PDE4D: variants seen among roughly 807,000 people sequenced by gnomAD.
The protein encoded by PDE4D is phosphodiesterase 4D, also known as 3',5'-cyclic-AMP phosphodiesterase 4D.
A neutral mutation model predicts 87.4 loss-of-function variants in PDE4D; 24 were observed. The ratio of observed to expected loss-of-function variants is 0.27; its 90% CI spans 0.20 to 0.39. The LOEUF is 0.39. PDE4D is among the 10% of genes least tolerant of loss of function. The probability of loss-of-function intolerance (pLI) is 1.00; values close to 1 mark genes in which losing one functional copy is unlikely to be tolerated. For synonymous variants in PDE4D, 384 were observed against 383.2 expected (o/e 1.00, Z -0.02); for missense variants, 714 against 1,041.0 (o/e 0.69, Z 4.32).
rs191242871 is a variant in PDE4D at position 59,495,644 on chromosome 5, C to T, written c.456-279676G>A. 2.2e-3 allele frequency among the ~76,000 whole-genome samples: 335 copies of T among 152,244 alleles called. 1 individual carries two copies. The highest frequency in any genetic ancestry group is 7.8e-3 in the African/African-American group (325 of 41,550). On this transcript the variant is annotated intron_variant, in intron 1 of 14. Transcript: ENST00000340635. ...AGAAGACTGCAGGGGCAGGAGAGTT[C>T]CCGAAGCCAGGTTTCTTCTGGGTGG... is the stretch of plus-strand genomic sequence containing the variant.
intron 1 of PDE4D, among the ~76,000 whole-genome samples, chr5:60,451,177 C>T (rs762392936): frequency 1.3e-5 from 2 of 152,020 alleles, no homozygotes; most frequent in South Asian, 2.1e-4. Flanking sequence ...ATCCTAGATG[C>T]TCAAATGCGA....
chr5:60,121,670 G>A (rs1778696436), intron 2 of PDE4D, among the ~76,000 whole-genome samples: 1 of 152,116 alleles, frequency 6.6e-6, no homozygotes, highest in African/African-American at 2.4e-5. Context: ...AATTATGGGA[G>A]TACAATTCAA....
At chr5:59,970,663 T>A (rs1391282296) in intron 3 of PDE4D, among the ~76,000 whole-genome samples, 9 of 150,526 alleles carry the variant, frequency 6.0e-5, no homozygotes, top group African/African-American at 2.2e-4. Context: ...TGAGATACCA[T>A]CTCACACCAG....
intron 1 of PDE4D, among the ~76,000 whole-genome samples, chr5:59,565,848 G>A (rs1164785278): frequency 6.6e-6 from 1 of 152,160 alleles, no homozygotes; most frequent in African/African-American, 2.4e-5. Flanking sequence ...TATGAGAATT[G>A]AGAAATGGAG....
At chr5:59,764,169 A>T (rs1339469513) in intron 1 of PDE4D, among the ~76,000 whole-genome samples, 1 of 152,164 alleles carries the variant, frequency 6.6e-6, no homozygotes, top group African/African-American at 2.4e-5. Flanking sequence ...ACTCTAATTC[A>T]TCCACAAATG....
chr5:60,226,677 T>C (rs1252152864), intron 1 of PDE4D, among the ~76,000 whole-genome samples: 2 of 151,890 alleles, frequency 1.3e-5, no homozygotes, highest in Non-Finnish European at 2.9e-5. Flanking sequence ...GAAACAAGAG[T>C]TAAGGCTACC....
chr5:59,483,986 G>A (rs1369399343), intron 1 of PDE4D, among the ~76,000 whole-genome samples: 1 of 152,180 alleles, frequency 6.6e-6, no homozygotes, highest in Non-Finnish European at 1.5e-5. Context: ...TGTTTGAAGA[G>A]ACAGTGTAAC....
intron 2 of PDE4D, among the ~76,000 whole-genome samples, chr5:60,070,004 CAACTG>C (rs1427349423): frequency 6.6e-6 from 1 of 152,078 alleles, no homozygotes; most frequent in Non-Finnish European, 1.5e-5. Flanking sequence ...TATAGAAATG[CAACTG>C]ATTCTGGTAT....
At chr5:59,294,144 G>T (rs1768585585) in intron 1 of PDE4D, among the ~76,000 whole-genome samples, 1 of 152,158 alleles carries the variant, frequency 6.6e-6, no homozygotes, top group Non-Finnish European at 1.5e-5. Flanking sequence ...ATGTTGACCA[G>T]TGATCATAGT....
At chr5:60,339,726 T>A (rs1354501068) in intron 1 of PDE4D, among the ~76,000 whole-genome samples, 4 of 152,156 alleles carry the variant, frequency 2.6e-5, no homozygotes, top group South Asian at 2.1e-4. Flanking sequence ...TCTCTGTGTG[T>A]CTTCTGGCTC....
chr5:60,481,672 T>C (rs970641136), intron 1 of PDE4D, among the ~76,000 whole-genome samples: 3 of 152,164 alleles, frequency 2.0e-5, no homozygotes, highest in South Asian at 4.1e-4. Context: ...CACCTTTTTA[T>C]AAAACTACAA....
intron 2 of PDE4D, among the ~76,000 whole-genome samples, chr5:60,036,826 G>C (rs1767863638): frequency 6.6e-6 from 1 of 151,922 alleles, no homozygotes; most frequent in Non-Finnish European, 1.5e-5. Context: ...GACACTTCAG[G>C]GTCCATTGGT....
At chr5:59,596,042 G>A (rs986591685) in intron 1 of PDE4D, among the ~76,000 whole-genome samples, 2 of 151,056 alleles carry the variant, frequency 1.3e-5, no homozygotes, top group African/African-American at 2.4e-5. Flanking sequence ...AGTGTTTTCA[G>A]TCACTTTAAT....
chr5:60,079,480 G>A (rs1004520404), intron 2 of PDE4D, among the ~76,000 whole-genome samples: 2 of 152,102 alleles, frequency 1.3e-5, no homozygotes, highest in African/African-American at 4.8e-5. Flanking sequence ...TATTGCCTAG[G>A]TTTTCTTCTA....
At chr5:60,485,616 C>G (rs529529131) in intron 1 of PDE4D, among the ~76,000 whole-genome samples, 1 of 152,228 alleles carries the variant, frequency 6.6e-6, no homozygotes, top group Admixed American at 6.5e-5. Flanking sequence ...TTTACAGAAC[C>G]TTATCTGCAA....
At chr5:59,470,597 A>G (rs1802293011) in intron 1 of PDE4D, among the ~76,000 whole-genome samples, 1 of 152,200 alleles carries the variant, frequency 6.6e-6, no homozygotes, top group Non-Finnish European at 1.5e-5. Flanking sequence ...TTGACCTTCA[A>G]TTTCACTAAT....
At chr5:59,316,820 C>T (rs750294964) in intron 1 of PDE4D, among the ~76,000 whole-genome samples, 2 of 152,164 alleles carry the variant, frequency 1.3e-5, no homozygotes, top group African/African-American at 2.4e-5. Context: ...ATAATAACCA[C>T]GGGACACCTG....
intron 1 of PDE4D, among the ~76,000 whole-genome samples, chr5:60,257,214 G>T (rs1434402084): frequency 2.5e-5 from 2 of 80,508 alleles, no homozygotes; most frequent in African/African-American, 1.2e-4. Context: ...ATGAATGAAA[G>T]AAAGAAAGAG....
chr5:59,066,832 C>G (rs187838259), intron 5 of PDE4D, among the ~76,000 whole-genome samples: 30 of 152,078 alleles, frequency 2.0e-4, no homozygotes, highest in Admixed American at 1.7e-3. Flanking sequence ...TGCCTTGCCC[C>G]TTCCACCATG....
Sources: allele counts gnomAD v4.1 joint callset (sites outside exome capture counted in the v4.1 genomes callset), GRCh38; gene constraint gnomAD v4.1.1; transcripts MANE v1.5; gene names NCBI Gene and HGNC (gene_info 2026-07-23, HGNC 2026-07-21).